TM9SF4: variants seen among roughly 807,000 people sequenced by gnomAD.
TM9SF4 encodes transmembrane 9 superfamily member 4.
Under a neutral mutation model 90.4 loss-of-function variants are expected in TM9SF4, and 26 were observed. The observed-to-expected ratio is 0.29, with a 90% CI of 0.21 to 0.40. The LOEUF (loss-of-function observed/expected upper bound fraction) is 0.40. TM9SF4 is among the 10% of genes least tolerant of loss of function. TM9SF4 has a pLI of 1.00. For synonymous variants in TM9SF4, 293 were observed against 315.4 expected, an observed-to-expected ratio of 0.93 and a Z score of 0.75; for missense variants, 549 against 834.8, an observed-to-expected ratio of 0.66 and a Z score of 4.22.
chr20:32,161,505 C>G (rs2047018454), intron 17 of TM9SF4, 140 bp downstream of exon 17: 6 of 670,246 alleles, frequency 9.0e-6, no homozygotes, highest in Non-Finnish European at 1.5e-5. Context: ...TAGAACTGTT[C>G]CTGCTCTAGA....
intron 1 of TM9SF4, among the ~76,000 whole-genome samples, chr20:32,127,908 A>C (rs2046447385): frequency 6.6e-6 from 1 of 152,252 alleles, no homozygotes; most frequent in Non-Finnish European, 1.5e-5. Flanking sequence ...CAGATGAGAC[A>C]AAAAGGTCTG....
chr20:32,116,862 C>CTTTTTTTTTTTTTTTTTTTTTTTTT (rs201365030), intron 1 of TM9SF4, among the ~76,000 whole-genome samples: 1 of 95,852 alleles, frequency 1.0e-5, no homozygotes, highest in Non-Finnish European at 2.0e-5. Flanking sequence ...TTTCCTTTTT[C>CTTTTTTTTTTTTTTTTTTTTTTTTT]TTTTTTTTTT....
At chr20:32,114,247 T>A (rs1440637513) in intron 1 of TM9SF4, among the ~76,000 whole-genome samples, 2 of 152,210 alleles carry the variant, frequency 1.3e-5, no homozygotes, top group Non-Finnish European at 2.9e-5. Flanking sequence ...ATGGAATAAA[T>A]GACATCAAGA....
chr20:32,160,542 G>A (rs564848245), intron 16 of TM9SF4, among the ~76,000 whole-genome samples: 1 of 152,254 alleles, frequency 6.6e-6, no homozygotes, highest in South Asian at 2.1e-4. Flanking sequence ...GTCTTGGGCG[G>A]GTTGCTTAAC....
chr20:32,145,479 GACATC>G, intron 8 of TM9SF4, 56 bp downstream of exon 8: 3 of 1,494,338 alleles, frequency 2.0e-6, no homozygotes, highest in Non-Finnish European at 1.9e-6. Context: ...GAGGGACTGA[GACATC>G]ACATCATGTA....
chr20:32,158,379 C>A, intron 14 of TM9SF4, 72 bp from the exon 15 acceptor site: 1 of 1,471,240 alleles, frequency 6.8e-7, no homozygotes, highest in Non-Finnish European at 9.5e-7. Context: ...CTCTTCATGC[C>A]AGCTTGGGAA....
intron 16 of TM9SF4, among the ~76,000 whole-genome samples, chr20:32,160,796 A>G (rs1296510393): frequency 6.6e-6 from 1 of 151,818 alleles, no homozygotes; most frequent in Admixed American, 6.6e-5. Flanking sequence ...TAAAAATACA[A>G]AAAGTTAGCC....
intron 1 of TM9SF4, among the ~76,000 whole-genome samples, chr20:32,117,098 C>T (rs1029040258): frequency 6.6e-6 from 1 of 151,402 alleles, no homozygotes; most frequent in African/African-American, 2.4e-5. Context: ...GTGGCAGGCA[C>T]CTGTCATCCC....
chr20:32,153,217 A>T (rs2046868878), intron 12 of TM9SF4, among the ~76,000 whole-genome samples: 7 of 152,222 alleles, frequency 4.6e-5, no homozygotes, highest in Admixed American at 4.6e-4. Context: ...GGACCTTGGT[A>T]TAGCATTAGC....
Position 32,155,087 on chromosome 20 carries a change from GC to G in TM9SF4, c.1246-12del, listed in dbSNP as rs1388863734. ...TCCCTGGATGCTGCTCCTCAACCCG[GC>G]CCCTCTTGCTCCAGACGGCAACTCT... On this transcript the variant is annotated splice_polypyrimidine_tract_variant and intron_variant, in intron 12 of 17. Transcript: ENST00000398022. 1 of 1,612,666 alleles carries G rather than the reference GC, an allele frequency of 6.2e-7. No homozygotes were observed. Among genetic ancestry groups the G allele is most frequent in the African/African-American group, 1.3e-5 (1 of 74,850 alleles).
intron 6 of TM9SF4, among the ~76,000 whole-genome samples, chr20:32,143,857 C>T (rs867808055): frequency 6.6e-6 from 1 of 152,060 alleles, no homozygotes; most frequent in South Asian, 2.1e-4. Context: ...CGCAGTTCTA[C>T]GTTTGCATGT....
chr20:32,161,261 CT>C lies in TM9SF4; in HGVS notation c.1690-14del. 1 of 1,612,602 alleles carries C rather than the reference CT, an allele frequency of 6.2e-7. No homozygotes were observed. Among genetic ancestry groups the C allele is most frequent in the Non-Finnish European group, 8.5e-7 (1 of 1,179,196 alleles). On this transcript the variant is annotated splice_polypyrimidine_tract_variant and intron_variant, in intron 16 of 17. Coordinates refer to ENST00000398022, the MANE Select transcript of TM9SF4 (RefSeq NM_014742.4). The stretch of plus-strand genomic sequence containing the variant: ...GCCCCAGGACAACACTGACCTTCCT[CT>C]GTTTCCTCCTCAGGATTACCGCTGG...
intron 1 of TM9SF4, among the ~76,000 whole-genome samples, chr20:32,115,868 C>T (rs1392746270): frequency 8.3e-6 from 1 of 120,546 alleles, no homozygotes; most frequent in East Asian, 2.9e-4. Context: ...GGGTGGAGTG[C>T]AATGGTGCGA....
chr20:32,146,690 C>A, intron 8 of TM9SF4, 95 bp from the exon 9 acceptor site: 2 of 1,250,546 alleles, frequency 1.6e-6, no homozygotes, highest in Non-Finnish European at 2.3e-6. Flanking sequence ...TGCATGCCAG[C>A]TGTCGCACAG....
chr20:32,123,117 CA>C (rs1366583842), intron 1 of TM9SF4, among the ~76,000 whole-genome samples: 1 of 137,708 alleles, frequency 7.3e-6, no homozygotes, highest in East Asian at 2.2e-4. Context: ...GAGATGGCAG[CA>C]GTATAGTCCA....
chr20:32,160,199 TGG>T, intron 16 of TM9SF4, 88 bp downstream of exon 16: 1 of 1,574,020 alleles, frequency 6.4e-7, no homozygotes, highest in Non-Finnish European at 8.6e-7. Context: ...AGGCTGGGTC[TGG>T]GCTCTTCATG....
chr20:32,153,483 T>G (rs1237532927), intron 12 of TM9SF4, among the ~76,000 whole-genome samples: 3 of 152,206 alleles, frequency 2.0e-5, no homozygotes, highest in Admixed American at 6.5e-5. Context: ...TTGTGGTGGC[T>G]TGTGCCTCTA....
intron 13 of TM9SF4, among the ~76,000 whole-genome samples, chr20:32,157,373 C>A (rs1256424427): frequency 6.6e-6 from 1 of 152,198 alleles, no homozygotes; most frequent in African/African-American, 2.4e-5. Context: ...TAGTTTATAG[C>A]CTCCTTTTTA....
intron 13 of TM9SF4, 48 bp downstream of exon 13, chr20:32,155,234 C>CTACTTGCTACTCCCCTACAAGCTG: frequency 1.4e-6 from 2 of 1,472,594 alleles, no homozygotes; most frequent in Non-Finnish European, 1.9e-6. Context: ...AAGCGAGGAC[C>CTACTTGCTACTCCCCTACAAGCTG]AGTTGCACTC....
Sources: allele counts gnomAD v4.1 joint callset (sites outside exome capture counted in the v4.1 genomes callset), GRCh38; gene constraint gnomAD v4.1.1; transcripts MANE v1.5; gene names NCBI Gene and HGNC (gene_info 2026-07-23, HGNC 2026-07-21).